Variants in SPNS2 observed in about 807,000 individuals in gnomAD.
The protein encoded by SPNS2 is sphingosine-1-phosphate transporter SPNS2.
In SPNS2, 37 loss-of-function variants were observed where a neutral mutation model predicts 57.6. The observed-to-expected ratio is 0.64, with a 90% confidence interval of 0.49 to 0.85. The LOEUF (loss-of-function observed/expected upper bound fraction) is 0.85, where lower values mean the gene tolerates loss of function less well. Among genes scored for constraint, SPNS2 ranks in the 40% least tolerant of loss-of-function variants. SPNS2 has a pLI of 0.00. For synonymous variants in SPNS2, 440 were observed against 346.9 expected (o/e 1.27, Z -2.98); for missense variants, 831 against 779.1 (o/e 1.07, Z -0.79).
chr17:4,532,723 G>A (rs764425428), intron 6 of SPNS2, 39 bp downstream of exon 6: 6 of 1,601,736 alleles, frequency 3.7e-6, no homozygotes, highest in Non-Finnish European at 5.1e-6. Context: ...GAAGAGAGAG[G>A]GGTGCTGAGA....
chr17:4,531,458 G>A (rs1905469988), intron 5 of SPNS2, among the ~76,000 whole-genome samples: 1 of 152,182 alleles, frequency 6.6e-6, no homozygotes, highest in Non-Finnish European at 1.5e-5. Context: ...CCTGCCTCCA[G>A]CCCTGGCGCT....
chr17:4,521,488 C>T (rs1310611472), intron 2 of SPNS2, among the ~76,000 whole-genome samples: 1 of 152,214 alleles, frequency 6.6e-6, no homozygotes, highest in African/African-American at 2.4e-5. Flanking sequence ...GCACCTTGCA[C>T]GTGCTATCCA....
chr17:4,508,851 G>A (rs1394159778), intron 1 of SPNS2, among the ~76,000 whole-genome samples: 1 of 152,230 alleles, frequency 6.6e-6, no homozygotes, highest in Non-Finnish European at 1.5e-5. Context: ...GAGGTCACCA[G>A]TGGGCCACAG....
At chr17:4,536,977 T>TC (rs1905872397) in intron 12 of SPNS2, 31 bp downstream of exon 12, 2 of 1,609,764 alleles carry the variant, frequency 1.2e-6, no homozygotes, top group Non-Finnish European at 1.7e-6. Flanking sequence ...ACGTGGGGGC[T>TC]CCCTAAGGAA....
intron 2 of SPNS2, among the ~76,000 whole-genome samples, chr17:4,513,851 A>T (rs1281141553): frequency 1.3e-5 from 2 of 152,154 alleles, no homozygotes; most frequent in African/African-American, 4.8e-5. Context: ...TGGGCCCTGG[A>T]CTGGACGTGG....
chr17:4,536,497 T>G, intron 11 of SPNS2, 71 bp downstream of exon 11: 26 of 1,461,004 alleles, frequency 1.8e-5, no homozygotes, highest in Non-Finnish European at 2.0e-5. Context: ...CCGTGAGCCC[T>G]GCCCTGGGGT....
Position 4,512,500 on chromosome 17 carries a change from G to A in SPNS2, c.371-747G>A, listed in dbSNP as rs937529108. Among the ~76,000 whole-genome samples, 1 of 152,132 alleles carries A rather than the reference G, an allele frequency of 6.6e-6. No individual in the cohort carries two copies. Among genetic ancestry groups the A allele is most frequent in the African/African-American group, 2.4e-5 (1 of 41,444 alleles). ...CCCTAAAGTAGTTGGGCTTGGAAGC[G>A]GGTGTGGCCTCAAGAAATCCACTTC... On this transcript the variant is annotated intron_variant, in intron 1 of 12. Transcript: ENST00000329078. The surrounding 1 kb of genome is among the most constrained non-coding windows in gnomAD (Gnocchi z 5.2).
In SPNS2 at chr17:4,513,349, G is replaced by A. The variant is rs1474228012; in HGVS notation, c.436+37G>A. 2.5e-6 allele frequency: 4 copies of A among 1,609,812 alleles called. No individual in the cohort carries two copies. In the African/African-American group the frequency reaches 4.0e-5, roughly 16 times the overall value. ...CTCCCACCTTCCCCCCCACGCCCAG[G>A]CGTTGGCGTCGTGGGTCCTGTCCTG... On this transcript the variant is annotated intron_variant, in intron 2 of 12. Coordinates refer to ENST00000329078, the MANE Select transcript of SPNS2 (RefSeq NM_001124758.3).
At chr17:4,506,937 C>T (rs1339953483) in intron 1 of SPNS2, among the ~76,000 whole-genome samples, 1 of 152,214 alleles carries the variant, frequency 6.6e-6, no homozygotes, top group Admixed American at 6.5e-5. Context: ...GGCCCAGCTG[C>T]TCCTGAAGAT....
At position 4,538,637 on chromosome 17, in the gene SPNS2, T is replaced by TG. The variant is rs879864584; in HGVS notation, c.*1195dup. On this transcript the variant is annotated 3_prime_UTR_variant, in exon 13 of 13. Coordinates refer to ENST00000329078, the MANE Select transcript of SPNS2 (RefSeq NM_001124758.3). ...AGGTGGTTCTGGTGCGGGGGTGGGG[T>TG]GGGGGGTGAGGCCTTGTGGCCAATG... 8.3e-5 allele frequency: 40 copies of TG among 482,594 alleles called. No individual in the cohort carries two copies. Among genetic ancestry groups the TG allele is most frequent in the Non-Finnish European group, 1.0e-4 (27 of 269,072 alleles). The allele number at this position is 482,594 out of a possible 1,614,324, so 29.9% of individuals were successfully genotyped here.
At chr17:4,531,016 G>T (rs776930820) in intron 4 of SPNS2, 37 bp from the exon 5 acceptor site, 1 of 1,611,272 alleles carries the variant, frequency 6.2e-7, no homozygotes, top group East Asian at 2.2e-5. Context: ...CCCAGCCCCT[G>T]TCTCTGCTCA....
At chr17:4,516,049 T>TA (rs991498876) in intron 2 of SPNS2, among the ~76,000 whole-genome samples, 4 of 152,242 alleles carry the variant, frequency 2.6e-5, no homozygotes, top group Admixed American at 2.0e-4. Context: ...GCCTATGGCT[T>TA]ACGCCTATAA....
intron 2 of SPNS2, among the ~76,000 whole-genome samples, chr17:4,523,577 A>G (rs530951582): frequency 3.1e-4 from 47 of 152,016 alleles, no homozygotes; most frequent in East Asian, 1.7e-3. Context: ...AGACCAGCCT[A>G]GCCAACACGG....
In SPNS2 at chr17:4,511,963, C is replaced by A. The variant is rs550237122; in HGVS notation, c.371-1284C>A. Among the ~76,000 whole-genome samples, 1 of 152,306 alleles carries A rather than the reference C, an allele frequency of 6.6e-6. No individual in the cohort carries two copies. Among genetic ancestry groups the A allele is most frequent in the African/African-American group, 2.4e-5 (1 of 41,550 alleles). ...TTTTTCCTACTTCCCTGTGGTGTGA[C>A]TTTGAGCCCACAGCCTGACTTCCTA... is the stretch of plus-strand genomic sequence containing the variant. On this transcript the variant is annotated intron_variant, in intron 1 of 12. Transcript: ENST00000329078. This position sits in a 1 kb window ranked among gnomAD's most constrained non-coding sequence, Gnocchi z 4.6.
rs1366465287 is a variant in SPNS2 at position 4,516,580 on chromosome 17, G to A, written c.436+3268G>A. Among the ~76,000 whole-genome samples the A allele has an allele frequency of 4.2e-5, 6 of 141,592 alleles. No individual in the cohort carries two copies. The Admixed American group carries it at 4.5e-4, about 11-fold the overall frequency. The allele number at this position is 141,592 out of a possible 152,430, so 92.9% of individuals were successfully genotyped here. On this transcript the variant is annotated intron_variant, in intron 2 of 12. Transcript: ENST00000329078. ...AGCCTGGGTGGACGGCAGAGAGCGTGCACCTAGCTCTGGCCGGTGGCCGCG... is the reference window on the plus strand; with the variant it reads ...AGCCTGGGTGGACGGCAGAGAGCGTACACCTAGCTCTGGCCGGTGGCCGCG...
chr17:4,527,641 C>G (rs1195890450), intron 3 of SPNS2, among the ~76,000 whole-genome samples: 1 of 152,196 alleles, frequency 6.6e-6, no homozygotes, highest in Non-Finnish European at 1.5e-5. Context: ...TAGGAAGAGA[C>G]AGGGCTCAGC....
intron 2 of SPNS2, among the ~76,000 whole-genome samples, chr17:4,515,176 C>T (rs969430494): frequency 2.6e-5 from 4 of 152,122 alleles, no homozygotes; most frequent in Non-Finnish European, 2.9e-5. Flanking sequence ...TTCTCGGGCT[C>T]ATGAAAGAGA....
chr17:4,521,702 T>G (rs1296890412), intron 2 of SPNS2, among the ~76,000 whole-genome samples: 1 of 152,248 alleles, frequency 6.6e-6, no homozygotes, highest in Non-Finnish European at 1.5e-5. Context: ...AACAAGGTAA[T>G]AACTACTCAA....
intron 1 of SPNS2, among the ~76,000 whole-genome samples, chr17:4,504,042 T>A (rs1904605870): frequency 6.8e-6 from 1 of 147,978 alleles, no homozygotes; most frequent in Non-Finnish European, 1.5e-5. Context: ...ATGGGGAAAC[T>A]GAGGCCCAGG....
Sources: allele counts gnomAD v4.1 joint callset (sites outside exome capture counted in the v4.1 genomes callset), GRCh38; gene constraint gnomAD v4.1.1; non-coding constraint Gnocchi (gnomAD v3.1); transcripts MANE v1.5; gene names NCBI Gene and HGNC (gene_info 2026-07-23, HGNC 2026-07-21).